SLC17A5: variants seen among roughly 807,000 people sequenced by gnomAD.
SLC17A5 encodes the protein solute carrier family 17 member 5, also known as sialin.
SLC17A5 carries 47 observed loss-of-function variants against 59.4 expected under a neutral mutation model. The observed-to-expected ratio is 0.79, with a 90% CI of 0.63 to 1.01. The LOEUF is 1.01. SLC17A5 is among the 50% of genes least tolerant of loss of function. The pLI is 0.00. For missense variants in SLC17A5, 522 were observed against 595.5 expected, an observed-to-expected ratio of 0.88 and a Z score of 1.28; for synonymous variants, 202 against 210.7, an observed-to-expected ratio of 0.96 and a Z score of 0.36.
Position 73,621,952 on chromosome 6 carries a change from T to C in SLC17A5, c.830A>G (p.Gln277Arg). 1.2e-6 allele frequency: 2 copies of C among 1,614,002 alleles called. No homozygotes were observed. The highest frequency in any genetic ancestry group is 8.5e-7 in the Non-Finnish European group (1 of 1,179,946). The change falls in exon 7 of 11, where the codon CAG becomes CGG. Residue 277 changes from glutamine to arginine, a missense_variant. Transcript: ENST00000355773. Reference protein sequence around the residue: ...LSSLRNQLSSQKSVPWVPILK... With the variant: ...LSSLRNQLSSRKSVPWVPILK... ...AATGGGTACCCACGGCACTGACTTC[T>C]GTGAAGAAAGCTGAAGAAAACAGGA...
chr6:73,614,508 G>A (rs1196667055), intron 8 of SLC17A5, among the ~76,000 whole-genome samples: 3 of 152,182 alleles, frequency 2.0e-5, no homozygotes, highest in Admixed American at 2.0e-4. Flanking sequence ...AGTGGTAACA[G>A]TGTCTTTTGT....
At chr6:73,605,630 AACACACAC>A (rs3045763) in intron 9 of SLC17A5, among the ~76,000 whole-genome samples, 20 of 145,852 alleles carry the variant, frequency 1.4e-4, no homozygotes, top group South Asian at 4.4e-4. Flanking sequence ...GCAAGGTTTA[AACACACAC>A]ACACACACAC....
intron 1 of SLC17A5, chr6:73,653,266 C>CA: frequency 1.0e-6 from 1 of 985,454 alleles, no homozygotes; most frequent in Non-Finnish European, 1.2e-6. Context: ...AAGAAGCTAC[C>CA]AGGTCACATG....
At chr6:73,652,254 T>C (rs1769907181) in intron 1 of SLC17A5, among the ~76,000 whole-genome samples, 1 of 152,188 alleles carries the variant, frequency 6.6e-6, no homozygotes, top group Non-Finnish European at 1.5e-5. Flanking sequence ...ATGAATCAAG[T>C]AGGGATTGTT....
intron 9 of SLC17A5, among the ~76,000 whole-genome samples, chr6:73,605,071 C>T (rs1767332411): frequency 6.7e-6 from 1 of 148,904 alleles, no homozygotes; most frequent in Non-Finnish European, 1.5e-5. Context: ...TCTTGAACTG[C>T]TGGGCCCAAA....
chr6:73,648,122 T>C (rs545637071), intron 1 of SLC17A5, among the ~76,000 whole-genome samples: 2 of 152,258 alleles, frequency 1.3e-5, no homozygotes, highest in Admixed American at 6.5e-5. Context: ...TATATTACTA[T>C]GAGATTCTAA....
Position 73,624,958 on chromosome 6 carries a change from C to T in SLC17A5, c.820-2996G>A, listed in dbSNP as rs564872499. 1.3e-5 allele frequency among the ~76,000 whole-genome samples: 2 copies of T among 152,200 alleles called. 1 individual carries two copies. Among genetic ancestry groups the T allele is most frequent in the South Asian group, 4.1e-4 (2 of 4,820 alleles). ...TTGCATGATCAAGAAAGCTTGGATA[C>T]CACTGATATTTAGGGCATCAGATTT... On this transcript the variant is annotated intron_variant, in intron 6 of 10. Transcript: ENST00000355773.
intron 9 of SLC17A5, among the ~76,000 whole-genome samples, chr6:73,604,080 T>C (rs754655123): frequency 2.4e-4 from 37 of 152,174 alleles, no homozygotes; most frequent in Non-Finnish European, 5.0e-4. Context: ...CAGATCTTTT[T>C]GGCTCATCCC....
At chr6:73,635,342 A>G (rs541270041) in intron 6 of SLC17A5, 40 bp downstream of exon 6, 7 of 1,116,464 alleles carry the variant, frequency 6.3e-6, no homozygotes, top group African/African-American at 4.6e-5. Flanking sequence ...GAAGAAAAAA[A>G]GTTTCTGACA....
At chr6:73,605,253 G>A (rs1691352) in intron 9 of SLC17A5, among the ~76,000 whole-genome samples, 16,320 of 151,978 alleles carry the variant, frequency 0.11, 1,034 homozygotes, top group Middle Eastern at 0.18. Context: ...ATGCTACCTT[G>A]TTAAAAAAAA....
intron 7 of SLC17A5, among the ~76,000 whole-genome samples, chr6:73,621,310 T>C (rs1212658313): frequency 6.6e-6 from 1 of 152,176 alleles, no homozygotes; most frequent in African/African-American, 2.4e-5. Flanking sequence ...TGGCCTTTTT[T>C]GTATTTTTAA....
intron 6 of SLC17A5, among the ~76,000 whole-genome samples, chr6:73,623,467 T>G (rs1286220851): frequency 2.6e-5 from 4 of 151,840 alleles, no homozygotes; most frequent in Non-Finnish European, 4.4e-5. Flanking sequence ...CCCAAGTAGC[T>G]GGGATTACAG....
In SLC17A5 at chr6:73,644,529, G is replaced by C. The variant is rs754150739; in HGVS notation, c.169C>G (p.Arg57Gly). 6.2e-7 allele frequency: 1 copy of C among 1,613,992 alleles called. No individual in the cohort carries two copies. The highest frequency in any genetic ancestry group is 1.7e-5 in the Admixed American group (1 of 59,998). ...FFGFFIVYALRVNLSVALVDM... is the reference protein window; with the variant it reads ...FFGFFIVYALGVNLSVALVDM... ...ACTAACGCAACACTCAGATTCACAC[G>C]TAATGCATACACAATGAAGAAACCA... The change falls in exon 2 of 11, where the codon CGT becomes GGT. Residue 57 changes from arginine to glycine, a missense_variant. Coordinates refer to ENST00000355773, the MANE Select transcript of SLC17A5 (RefSeq NM_012434.5).
intron 9 of SLC17A5, among the ~76,000 whole-genome samples, chr6:73,610,045 T>G (rs759047247): frequency 1.2e-4 from 19 of 152,130 alleles, no homozygotes; most frequent in Non-Finnish European, 1.3e-4. Flanking sequence ...CAGGTTTTTT[T>G]TTTTTTAGAT....
rs1767602845 is a variant in SLC17A5 at position 73,610,645 on chromosome 6, T to A, written c.1112-98A>T. 8.3e-6 allele frequency: 11 copies of A among 1,329,772 alleles called. No individual in the cohort carries two copies. The South Asian group carries it at 1.3e-4, about 16-fold the overall frequency. 82.4% of individuals were successfully genotyped at this position (1,329,772 alleles called of 1,614,324 possible). A position where few individuals can be genotyped will look rare whatever the true frequency, so the allele number is the denominator to read the frequency against. On this transcript the variant is annotated intron_variant, in intron 8 of 10. Transcript: ENST00000355773. ...TCTGAAATTTGAAATTGCTGCCACCTACTGTAGAAACACTATATTGCCTGG... is the reference window on the plus strand; with the variant it reads ...TCTGAAATTTGAAATTGCTGCCACCAACTGTAGAAACACTATATTGCCTGG...
chr6:73,595,251 T>G (rs1278919977), intron 10 of SLC17A5, 37 bp from the exon 11 acceptor site: 4 of 1,611,602 alleles, frequency 2.5e-6, no homozygotes, highest in Non-Finnish European at 3.4e-6. Flanking sequence ...TGAAATAAAA[T>G]TTTGTGTGTA....
intron 9 of SLC17A5, among the ~76,000 whole-genome samples, chr6:73,602,761 C>G (rs749451483): frequency 7.3e-6 from 1 of 137,178 alleles, no homozygotes; most frequent in Non-Finnish European, 1.5e-5. Context: ...GCCGACAGAG[C>G]GAGACTCCGT....
chr6:73,615,575 T>A (rs568440967), intron 7 of SLC17A5, 128 bp from the exon 8 acceptor site: 14 of 930,476 alleles, frequency 1.5e-5, no homozygotes, highest in African/African-American at 9.8e-5. Flanking sequence ...GTTAATTTTT[T>A]AATATAATTA....
In SLC17A5 at chr6:73,595,151, T is replaced by C. The variant is rs370344229; in HGVS notation, c.1414A>G (p.Ile472Val). The C allele has an allele frequency of 5.0e-6, 8 of 1,613,958 alleles. No individual in the cohort carries two copies. Among genetic ancestry groups the C allele is most frequent in the East Asian group, 2.2e-5 (1 of 44,878 alleles). Residue 472 changes from isoleucine to valine, a missense_variant, in exon 11 of 11, where the codon ATT becomes GTT. By Grantham distance (29) the Ile-to-Val change is conservative (BLOSUM62 3). This residue lies in a region of SLC17A5 where 153 missense variants were observed against 168.5 expected (regional missense o/e 0.91). Transcript: ENST00000355773. ...CCTTTGGCGAATAGTGTAAAGAAAA[T>C]GGCACCAAAAACATTAATAGCAGCA... ...IAAAINVFGA[I>V]FFTLFAKGEV...
Sources: allele counts gnomAD v4.1 joint callset (sites outside exome capture counted in the v4.1 genomes callset), GRCh38; gene constraint gnomAD v4.1.1; regional missense constraint gnomAD v4.1.1; transcripts MANE v1.5; gene names NCBI Gene and HGNC (gene_info 2026-07-23, HGNC 2026-07-21).